Variants in AUH observed in about 807,000 individuals in gnomAD.
AUH encodes the protein methylglutaconyl-CoA hydratase, mitochondrial.
In AUH, 29 loss-of-function variants were observed where a neutral mutation model predicts 42.3. The observed-to-expected ratio is 0.69, with a 90% confidence interval of 0.51 to 0.93. The LOEUF (loss-of-function observed/expected upper bound fraction) is 0.93. Ranked by LOEUF, AUH falls within the 40% of genes least tolerant of loss-of-function variation. AUH has a pLI of 0.00. For synonymous variants in AUH, 174 were observed against 166.4 expected, an observed-to-expected ratio of 1.05 and a Z score of -0.35; for missense variants, 452 against 438.1, an observed-to-expected ratio of 1.03 and a Z score of -0.28.
chr9:91,361,517 C>A, intron 1 of AUH, 111 bp downstream of exon 1: 2 of 1,435,170 alleles, frequency 1.4e-6, no homozygotes, highest in South Asian at 1.4e-5. Flanking sequence ...AGGTTCGGTG[C>A]GCCTGCCTGA....
intron 4 of AUH, among the ~76,000 whole-genome samples, chr9:91,298,688 A>AT (rs1827544464): frequency 6.6e-6 from 1 of 152,236 alleles, no homozygotes; most frequent in African/African-American, 2.4e-5. Flanking sequence ...ATGCCTGGAA[A>AT]GGGGTCAGCC....
chr9:91,327,148 C>T (rs766270600), intron 3 of AUH, among the ~76,000 whole-genome samples: 29 of 152,292 alleles, frequency 1.9e-4, no homozygotes, highest in Non-Finnish European at 3.4e-4. Context: ...ACCACCAAAG[C>T]TATCCATCCA....
chr9:91,338,837 A>C (rs1302832940), intron 3 of AUH, among the ~76,000 whole-genome samples: 2 of 152,244 alleles, frequency 1.3e-5, no homozygotes, highest in Non-Finnish European at 2.9e-5. Flanking sequence ...GATAATCTAG[A>C]AACTAATGAG....
chr9:91,356,059 G>A, intron 2 of AUH, 29 bp downstream of exon 2: 2 of 1,600,630 alleles, frequency 1.2e-6, no homozygotes, highest in South Asian at 1.1e-5. Flanking sequence ...CTTAATATTA[G>A]AAGCAAACAG....
intron 3 of AUH, among the ~76,000 whole-genome samples, chr9:91,331,576 T>C (rs1367975435): frequency 6.6e-6 from 1 of 152,240 alleles, no homozygotes. Context: ...TTTAAATATA[T>C]AGTTGGAAAT....
At chr9:91,237,153 G>T (rs570414173) in intron 6 of AUH, among the ~76,000 whole-genome samples, 1 of 152,288 alleles carries the variant, frequency 6.6e-6, no homozygotes, top group African/African-American at 2.4e-5. Flanking sequence ...TATGTTATAG[G>T]TAAAAGATGA....
intron 6 of AUH, among the ~76,000 whole-genome samples, chr9:91,231,675 G>A (rs1484144942): frequency 6.6e-6 from 1 of 152,162 alleles, no homozygotes; most frequent in African/African-American, 2.4e-5. Context: ...CTCACAAGCA[G>A]CCCTAATGCA....
Position 91,355,873 on chromosome 9 carries a change from A to G in AUH, c.418+10T>C. On this transcript the variant is annotated intron_variant, in intron 3 of 9. Coordinates refer to ENST00000375731, the MANE Select transcript of AUH (RefSeq NM_001698.3). ...ACAGTTTAATTTCATAATACAACATATTTACATACCAGCACAGAATATCCC... is the reference window on the plus strand; with the variant it reads ...ACAGTTTAATTTCATAATACAACATGTTTACATACCAGCACAGAATATCCC... 6.3e-7 allele frequency: 1 copy of G among 1,594,612 alleles called. No homozygotes were observed.
intron 4 of AUH, among the ~76,000 whole-genome samples, chr9:91,319,764 C>T (rs571503095): frequency 6.6e-6 from 1 of 152,322 alleles, no homozygotes; most frequent in East Asian, 1.9e-4. Flanking sequence ...TGCAGACAGC[C>T]CACCCCAAGG....
At chr9:91,278,413 G>A (rs917975836) in intron 6 of AUH, among the ~76,000 whole-genome samples, 1 of 152,118 alleles carries the variant, frequency 6.6e-6, no homozygotes, top group Non-Finnish European at 1.5e-5. Context: ...TTGACAGATG[G>A]TGCTCACTCT....
chr9:91,255,302 C>A (rs1217604869), intron 6 of AUH, among the ~76,000 whole-genome samples: 1 of 152,180 alleles, frequency 6.6e-6, no homozygotes, highest in African/African-American at 2.4e-5. Flanking sequence ...CATACACTGA[C>A]TGTATCTTTT....
chr9:91,217,291 T>C lies in AUH; in HGVS notation c.880A>G (p.Asn294Asp), dbSNP rs780581499. The C allele has an allele frequency of 1.7e-5, 28 of 1,613,904 alleles. 1 individual carries two copies. The South Asian group carries it at 2.9e-4, about 16-fold the overall frequency. ...AAGGAACCTACCTCCATCCCTTGAT[T>C]AATTGCTAATTTTGCCACTCTCATT... Reference protein sequence around the residue: ...VAMRVAKLAINQGMEVDLVTG... With the variant: ...VAMRVAKLAIDQGMEVDLVTG... The change falls in exon 8 of 10, where the codon AAT (asparagine) becomes GAT (aspartate). Residue 294 changes from asparagine to aspartate, a missense_variant. Physicochemically the swap from Asn to Asp is conservative, Grantham distance 23. Transcript: ENST00000375731.
At chr9:91,328,019 G>A (rs182052159) in intron 3 of AUH, among the ~76,000 whole-genome samples, 66 of 152,282 alleles carry the variant, frequency 4.3e-4, no homozygotes, top group African/African-American at 1.5e-3. Context: ...GGCCAAGAGG[G>A]TGGAGTAAGG....
intron 8 of AUH, among the ~76,000 whole-genome samples, chr9:91,216,855 C>T (rs1826849750): frequency 6.6e-6 from 1 of 152,174 alleles, no homozygotes; most frequent in African/African-American, 2.4e-5. Context: ...ATTGCGTGTG[C>T]CTCCTTGTAG....
chr9:91,345,780 C>G (rs1174263346), intron 3 of AUH, among the ~76,000 whole-genome samples: 2 of 149,268 alleles, frequency 1.3e-5, no homozygotes, highest in African/African-American at 4.9e-5. Flanking sequence ...TTGCAGTGAG[C>G]CAAGATCACG....
chr9:91,312,792 C>G lies in AUH; in HGVS notation c.505+12526G>C, dbSNP rs929920189. On this transcript the variant is annotated intron_variant, in intron 4 of 9. Coordinates refer to ENST00000375731, the MANE Select transcript of AUH (RefSeq NM_001698.3). Reference sequence around the variant, plus strand: ...ATCACCTGGAGTCAGTGTGAGCAGGCCCCAGTACACCACTGCCAAGGCATT... The same window carrying G: ...ATCACCTGGAGTCAGTGTGAGCAGGGCCCAGTACACCACTGCCAAGGCATT... Among the ~76,000 whole-genome samples the G allele has an allele frequency of 2.6e-5, 4 of 152,262 alleles. No homozygotes were observed. The East Asian group carries it at 7.7e-4, about 29-fold the overall frequency.
rs537451401 is a variant in AUH, at chr9:91,220,294, C to A, written c.843+511G>T. ...GCCTACACCACCATAGGCAAACACA[C>A]AGAAAGACAAACAACTGCTGCTTTT... On this transcript the variant is annotated intron_variant, in intron 7 of 9. Transcript: ENST00000375731. Among the ~76,000 whole-genome samples the A allele has an allele frequency of 5.3e-5, 8 of 152,344 alleles. No individual in the cohort carries two copies. The South Asian group carries it at 1.7e-3, about 32-fold the overall frequency.
chr9:91,279,480 G>A (rs952945145), intron 6 of AUH, among the ~76,000 whole-genome samples: 1 of 152,166 alleles, frequency 6.6e-6, no homozygotes, highest in Admixed American at 6.5e-5. Context: ...GGCTGTACAG[G>A]AAGTGCTGTA....
At chr9:91,335,294 GTTAA>G (rs1419019077) in intron 3 of AUH, among the ~76,000 whole-genome samples, 2 of 151,796 alleles carry the variant, frequency 1.3e-5, no homozygotes, top group East Asian at 3.9e-4. Context: ...GTCAGTTTTG[GTTAA>G]TTTTTATTTT....
Sources: gnomAD v4.1 joint callset for allele counts (sites outside exome capture counted in the v4.1 genomes callset) on GRCh38, gnomAD v4.1.1 for gene constraint, MANE v1.5 for transcripts, NCBI Gene and HGNC (gene_info 2026-07-23, HGNC 2026-07-21) for gene names.